Variants in RORA observed in about 807,000 individuals in gnomAD.
RORA encodes the protein RAR related orphan receptor A.
A neutral mutation model predicts 69.5 loss-of-function variants in RORA; 7 were observed. The ratio of observed to expected loss-of-function variants is 0.10; its 90% CI spans 0.06 to 0.19. The LOEUF is 0.19. RORA is among the 10% of genes least tolerant of loss of function. The probability of loss-of-function intolerance (pLI) is 1.00; values close to 1 mark genes in which losing one functional copy is unlikely to be tolerated. For synonymous variants in RORA, 261 were observed against 240.8 expected, an observed-to-expected ratio of 1.08 and a Z score of -0.78; for missense variants, 457 against 663.0, an observed-to-expected ratio of 0.69 and a Z score of 3.41.
At position 60,949,199 on chromosome 15, in the gene RORA, G is replaced by C. The variant is rs568664357; in HGVS notation, c.167-270513C>G. On this transcript the variant is annotated intron_variant, in intron 1 of 10. Transcript: ENST00000335670. ...TATGACATGGCCCCTTCCCCGTGAA[G>C]CTCACAGCCTAACGTGTTGAGGCAG... Among the ~76,000 whole-genome samples, 4 of 152,198 alleles carry C rather than the reference G, an allele frequency of 2.6e-5. No individual in the cohort carries two copies. In the South Asian group the frequency reaches 8.3e-4, roughly 32 times the overall value.
Position 60,861,808 on chromosome 15 carries a change from A to G in RORA, c.167-183122T>C, listed in dbSNP as rs527293072. 4.5e-4 allele frequency among the ~76,000 whole-genome samples: 69 copies of G among 152,218 alleles called. No individual in the cohort carries two copies. The South Asian group carries it at 0.014, about 32-fold the overall frequency. ...TTTAAATAGCCCTGCAGAAGGCCATACCACTCAGGCTTAAGGGGACAGAAG... is the reference window on the plus strand; with the variant it reads ...TTTAAATAGCCCTGCAGAAGGCCATGCCACTCAGGCTTAAGGGGACAGAAG... On this transcript the variant is annotated intron_variant, in intron 1 of 10. Transcript: ENST00000335670.
intron 2 of RORA, among the ~76,000 whole-genome samples, chr15:60,536,721 A>G (rs1200858848): frequency 6.6e-6 from 1 of 152,274 alleles, no homozygotes; most frequent in East Asian, 1.9e-4. Context: ...CTGGCTTGCC[A>G]GGAAACGGCC....
intron 1 of RORA, among the ~76,000 whole-genome samples, chr15:61,110,078 C>G (rs2078989404): frequency 6.6e-6 from 1 of 152,152 alleles, no homozygotes; most frequent in African/African-American, 2.4e-5. Flanking sequence ...TGTAAACAAA[C>G]CTACTGCACT....
At position 60,841,141 on chromosome 15, in the gene RORA, T is replaced by G. The variant is rs2073192263; in HGVS notation, c.167-162455A>C. On this transcript the variant is annotated intron_variant, in intron 1 of 10. Transcript: ENST00000335670. ...AGGGAAACAACTTTTTCTTGTTTTCTCTCCACGCCATCCCACAGCTGACAC... is the reference window on the plus strand; with the variant it reads ...AGGGAAACAACTTTTTCTTGTTTTCGCTCCACGCCATCCCACAGCTGACAC... The G allele has an allele frequency of 5.3e-6, 5 of 940,802 alleles. No individual in the cohort carries two copies. The South Asian group carries it at 2.0e-4, about 37-fold the overall frequency. 58.3% of individuals were successfully genotyped at this position (940,802 alleles called of 1,614,324 possible). A position where few individuals can be genotyped will look rare whatever the true frequency, so the allele number is the denominator to read the frequency against.
intron 1 of RORA, among the ~76,000 whole-genome samples, chr15:60,922,952 G>A (rs1366702677): frequency 2.6e-5 from 4 of 152,184 alleles, no homozygotes; most frequent in Admixed American, 2.0e-4. Context: ...GGGTATTTCC[G>A]GGAAGACAGA....
chr15:60,497,679 G>T, intron 10 of RORA, 60 bp from the exon 11 acceptor site: 1 of 1,356,022 alleles, frequency 7.4e-7, no homozygotes, highest in African/African-American at 1.4e-5. Flanking sequence ...TCAAAGATCA[G>T]GGAACCTGAA....
At chr15:61,180,584 T>G (rs536367460) in intron 1 of RORA, among the ~76,000 whole-genome samples, 88 of 152,358 alleles carry the variant, frequency 5.8e-4, no homozygotes, top group African/African-American at 2.0e-3. Context: ...TCCAAAAAGC[T>G]TTCCCTGAAT....
At chr15:60,758,118 G>A (rs935532471) in intron 1 of RORA, among the ~76,000 whole-genome samples, 13 of 152,122 alleles carry the variant, frequency 8.5e-5, no homozygotes, top group Admixed American at 7.2e-4. Flanking sequence ...TTGCAGCACT[G>A]GAATTTTCAG....
chr15:60,808,885 ATTG>A (rs1254092997), intron 1 of RORA, among the ~76,000 whole-genome samples: 6 of 152,116 alleles, frequency 3.9e-5, no homozygotes, highest in Non-Finnish European at 8.8e-5. Context: ...CCTGGAAGGA[ATTG>A]GAGATTATCA....
At chr15:60,771,622 A>AG (rs1435681997) in intron 1 of RORA, among the ~76,000 whole-genome samples, 1 of 152,174 alleles carries the variant, frequency 6.6e-6, no homozygotes, top group Non-Finnish European at 1.5e-5. Context: ...CCCTGCATTG[A>AG]GGGAAGGCTC....
At chr15:61,113,542 C>CT (rs2079025219) in intron 1 of RORA, among the ~76,000 whole-genome samples, 1 of 152,154 alleles carries the variant, frequency 6.6e-6, no homozygotes, top group Non-Finnish European at 1.5e-5. Context: ...AACAAAAAGG[C>CT]TGGAATGATA....
At chr15:60,708,363 A>G (rs1356302188) in intron 1 of RORA, among the ~76,000 whole-genome samples, 6 of 151,466 alleles carry the variant, frequency 4.0e-5, no homozygotes. Context: ...CGGAGGTTGC[A>G]ATGAGCCGAG....
chr15:60,517,810 A>G (rs2141369372), intron 3 of RORA, among the ~76,000 whole-genome samples: 1 of 152,300 alleles, frequency 6.6e-6, no homozygotes, highest in East Asian at 1.9e-4. Flanking sequence ...CTTCACATTA[A>G]GCCTGCTACA....
At chr15:60,860,525 T>G (rs966264492) in intron 1 of RORA, among the ~76,000 whole-genome samples, 4 of 152,184 alleles carry the variant, frequency 2.6e-5, no homozygotes, top group Non-Finnish European at 5.9e-5. Context: ...AATTCTTGGC[T>G]AGACTATGAA....
chr15:60,884,958 C>T (rs1452237016), intron 1 of RORA, among the ~76,000 whole-genome samples: 1 of 152,182 alleles, frequency 6.6e-6, no homozygotes, highest in African/African-American at 2.4e-5. Context: ...TAACAGGCCC[C>T]CAAAACAAAT....
At position 61,128,664 on chromosome 15, in the gene RORA, C is replaced by T. The variant is rs2079163831; in HGVS notation, c.166+100389G>A. Among the ~76,000 whole-genome samples, 1 of 152,152 alleles carries T rather than the reference C, an allele frequency of 6.6e-6. No individual in the cohort carries two copies. The highest frequency in any genetic ancestry group is 1.5e-5 in the Non-Finnish European group (1 of 68,032). ...AATGTTCTTTCTCTGGTTCCAACTG[C>T]CAGGGACACATATGAATGCTGTGAT... On this transcript the variant is annotated intron_variant, in intron 1 of 10. Transcript: ENST00000335670. The surrounding 1 kb of genome is among the most constrained non-coding windows in gnomAD (Gnocchi z 4.5).
rs767493406 is a variant in RORA, at chr15:60,514,737, C to T, written c.303G>A (p.Gln101=). ...EGCKGFFRRS[Q]QSNATYSCPR... Reference sequence around the variant, plus strand: ...GACAGGAGTAGGTGGCATTGCTTTGCTGACTTCTCCTGAAAAAGCCCTGTG... The same window carrying T: ...GACAGGAGTAGGTGGCATTGCTTTGTTGACTTCTCCTGAAAAAGCCCTGTG... Residue 101 remains glutamine (Q), a synonymous_variant, in exon 4 of 11, where the codon CAG becomes CAA. Transcript: ENST00000335670. 7 of 1,613,746 alleles carry T rather than the reference C, an allele frequency of 4.3e-6. No homozygotes were observed. In the East Asian group the frequency reaches 1.6e-4, roughly 36 times the overall value.
intron 2 of RORA, chr15:60,627,409 T>C (rs2069618674): frequency 1.2e-6 from 2 of 1,613,452 alleles, no homozygotes; most frequent in African/African-American, 1.3e-5. Flanking sequence ...CTCCAGAAAC[T>C]GGGGCTGTGC....
intron 1 of RORA, among the ~76,000 whole-genome samples, chr15:60,752,457 C>T (rs2071737920): frequency 6.6e-6 from 1 of 152,048 alleles, no homozygotes; most frequent in Non-Finnish European, 1.5e-5. Flanking sequence ...ATTTTAGTGG[C>T]TCCCCTTTGA....
Sources: gnomAD v4.1 joint callset for allele counts (sites outside exome capture counted in the v4.1 genomes callset) on GRCh38, gnomAD v4.1.1 for gene constraint, Gnocchi (gnomAD v3.1) non-coding constraint, MANE v1.5 for transcripts, NCBI Gene and HGNC (gene_info 2026-07-23, HGNC 2026-07-21) for gene names.